GTPBP6: variants seen among roughly 807,000 people sequenced by gnomAD.
GTPBP6 encodes the protein GTP binding protein 6, also known as putative GTP-binding protein 6.
Under a neutral mutation model 28.9 loss-of-function variants are expected in GTPBP6, and 33 were observed. The ratio of observed to expected loss-of-function variants is 1.14; its 90% confidence interval spans 0.87 to 1.53. GTPBP6 has a LOEUF of 1.53. Among genes scored for constraint, GTPBP6 ranks in the 40% most tolerant of loss-of-function variants. The pLI is 0.00. For synonymous variants in GTPBP6, 231 were observed against 192.7 expected (o/e 1.20, Z -1.65); for missense variants, 507 against 408.3 (o/e 1.24, Z -2.08).
exon 4 of GTPBP6, chrX:314,909 C>T (rs2070400903): frequency 2.5e-6 from 1 of 398,656 alleles, no homozygotes; most frequent in African/African-American, 2.1e-5. Context: ...GGCATCTCCG[C>T]CAGGGCCACC....
chrX:313,035 C>T (rs1162657633), intron 5 of GTPBP6, 111 bp from the exon 6 acceptor site: 7 of 893,562 alleles, frequency 7.8e-6, no homozygotes, highest in Non-Finnish European at 1.2e-5. Context: ...GCTCCAGCAT[C>T]TGGGGGCCCG....
exon 9 of GTPBP6, chrX:307,494 C>T (rs747951161): frequency 1.4e-5 from 22 of 1,611,252 alleles, no homozygotes; most frequent in African/African-American, 4.0e-5. Context: ...GCACGACGTT[C>T]GGTTCCGTGG....
intron 7 of GTPBP6, 80 bp downstream of exon 7, chrX:311,339 C>CG (rs1251470745): frequency 9.1e-5 from 99 of 1,087,724 alleles, no homozygotes; most frequent in African/African-American, 2.7e-4. Context: ...GGCCCGACCC[C>CG]TGGCTGTGTG....
At chrX:308,605 A>G (rs955751191) in intron 7 of GTPBP6, among the ~76,000 whole-genome samples, 13 of 152,164 alleles carry the variant, frequency 8.5e-5, no homozygotes, top group East Asian at 5.8e-4. Context: ...ACTTGAGCCC[A>G]GGAGGTCGAG....
Position 318,615 on chromosome X carries a change from C to T in GTPBP6, c.173G>A (p.Arg58Gln), listed in dbSNP as rs1402388425. 9.9e-4 allele frequency: 394 copies of T among 397,586 alleles called. 1 individual carries two copies. Among genetic ancestry groups the T allele is most frequent in the Non-Finnish European group, 1.6e-3 (355 of 225,512 alleles). 24.6% of individuals were successfully genotyped at this position (397,586 alleles called of 1,614,324 possible). ...CGTGCGGCTTCGGCCGCCGTCCGCC[C>T]GCAGGCCCCGCCCTCCGCCCCACGG... Residue 58 changes from arginine to glutamine, a missense_variant, in exon 1 of 10, where the codon CGG becomes CAG. Physicochemically the swap from Arg to Gln is conservative, Grantham distance 43. Coordinates refer to ENST00000326153, the Ensembl canonical transcript of GTPBP6.
chrX:314,282 G>T, intron 4 of GTPBP6, 65 bp from the exon 5 acceptor site: 2 of 1,306,060 alleles, frequency 1.5e-6, no homozygotes, highest in Non-Finnish European at 2.2e-6. Context: ...AGAGGTCGAG[G>T]TGAAGGTGAA....
Position 317,654 on chromosome X carries a change from G to C in GTPBP6, c.350-603C>G, listed in dbSNP as rs1479256526. 1.9e-3 allele frequency among the ~76,000 whole-genome samples: 284 copies of C among 150,590 alleles called. 1 individual carries two copies. The highest frequency in any genetic ancestry group is 6.8e-3 in the African/African-American group (276 of 40,740). On this transcript the variant is annotated intron_variant, in intron 1 of 9. Coordinates refer to ENST00000326153, the Ensembl canonical transcript of GTPBP6. Reference sequence around the variant, plus strand: ...TGCCTACCTCTAACCCAGAGCAAGAGAAACGTAGGTCCCATCGGCGAGAAC... The same window carrying C: ...TGCCTACCTCTAACCCAGAGCAAGACAAACGTAGGTCCCATCGGCGAGAAC...
chrX:318,302 G>T, intron 1 of GTPBP6, 137 bp downstream of exon 1: 1 of 364,546 alleles, frequency 2.7e-6, no homozygotes. Context: ...ACAGAACCCC[G>T]CCCCTGAATC....
chrX:312,675 G>A (rs1232496476), intron 6 of GTPBP6, 91 bp downstream of exon 6: 1 of 1,319,774 alleles, frequency 7.6e-7, no homozygotes, highest in Non-Finnish European at 1.1e-6. Flanking sequence ...CGGCACCACT[G>A]AGACGACAGG....
At chrX:312,874 T>C in exon 6 of GTPBP6, 2 of 1,612,832 alleles carry the variant, frequency 1.2e-6, no homozygotes, top group Non-Finnish European at 1.7e-6. Context: ...TTCCTGATCT[T>C]GGCCTCCTTC....
At chrX:306,237 G>T (rs1197097123) in intron 9 of GTPBP6, among the ~76,000 whole-genome samples, 1 of 148,610 alleles carries the variant, frequency 6.7e-6, no homozygotes, top group Non-Finnish European at 1.5e-5. Flanking sequence ...TTAGGCACCT[G>T]TTGTATGCAG....
chrX:307,380 C>A, exon 9 of GTPBP6: 1 of 1,612,414 alleles, frequency 6.2e-7, no homozygotes, highest in Non-Finnish European at 8.5e-7. Flanking sequence ...CCCCTGCGAG[C>A]CTCACACGGA....
At chrX:317,680 C>T (rs1278646045) in intron 1 of GTPBP6, among the ~76,000 whole-genome samples, 5 of 82,866 alleles carry the variant, frequency 6.0e-5, no homozygotes, top group African/African-American at 2.5e-4. Context: ...CGGCGAGAAC[C>T]GCCCCGGCCC....
chrX:304,952 G>T, exon 10 of GTPBP6: 2 of 1,496,696 alleles, frequency 1.3e-6, no homozygotes, highest in Non-Finnish European at 1.8e-6. Context: ...AGCGAGACGG[G>T]TGCAGAACCA....
At chrX:318,556 C>T (rs1326396369) in exon 1 of GTPBP6, 1 of 398,494 alleles carries the variant, frequency 2.5e-6, no homozygotes, top group Non-Finnish European at 4.4e-6. Context: ...TCGGCGTTCT[C>T]GTCCGCATCT....
At chrX:310,703 C>A (rs1475150629) in intron 7 of GTPBP6, among the ~76,000 whole-genome samples, 4 of 152,120 alleles carry the variant, frequency 2.6e-5, no homozygotes, top group African/African-American at 9.6e-5. Context: ...ACGCCTGGAG[C>A]CCCCAGGAGC....
At chrX:304,856 G>T (rs1310510250) in exon 10 of GTPBP6, 84 of 1,430,134 alleles carry the variant, frequency 5.9e-5, no homozygotes, top group Non-Finnish European at 7.5e-5. Context: ...GGATGCTCAG[G>T]CTTGGAGTGG....
rs1157073783 is a variant in GTPBP6 at position 307,569 on chromosome X, CAG to C, written c.1275-59_1275-58del. The stretch of plus-strand genomic sequence containing the variant: ...CAGCGTCGGGGCGGCCGGACGAAAT[CAG>C]GGTCCCCAGGAGTCCACTGCCCACG... On this transcript the variant is annotated intron_variant, in intron 8 of 9. Transcript: ENST00000326153. 4.5e-6 allele frequency: 7 copies of C among 1,569,894 alleles called. No homozygotes were observed. The African/African-American group carries it at 6.7e-5, about 15-fold the overall frequency.
chrX:304,868 C>A, exon 10 of GTPBP6: 1 of 1,433,116 alleles, frequency 7.0e-7, no homozygotes, highest in Non-Finnish European at 9.2e-7. Context: ...TTGGAGTGGA[C>A]GCTCGGGCGG....
Sources: allele counts gnomAD v4.1 joint callset (sites outside exome capture counted in the v4.1 genomes callset), GRCh38; gene constraint gnomAD v4.1.1; transcripts MANE v1.5; gene names NCBI Gene and HGNC (gene_info 2026-07-23, HGNC 2026-07-21).